The following MAGI1 variants were observed in gnomAD, a reference collection of about 807,000 sequenced individuals.
The protein encoded by MAGI1 is membrane associated guanylate kinase, WW and PDZ domain containing 1, also known as membrane-associated guanylate kinase, WW and PDZ domain-containing protein 1.
A neutral mutation model predicts 139.9 loss-of-function variants in MAGI1; 58 were observed. The observed-to-expected ratio is 0.41, with a 90% CI of 0.34 to 0.52. The LOEUF (loss-of-function observed/expected upper bound fraction) is 0.52. Among genes scored for constraint, MAGI1 ranks in the 20% least tolerant of loss-of-function variants. The probability of loss-of-function intolerance (pLI) is 0.12; values close to 1 mark genes in which losing one functional copy is unlikely to be tolerated. For synonymous variants in MAGI1, 812 were observed against 737.9 expected, an observed-to-expected ratio of 1.10 and a Z score of -1.63; for missense variants, 1,874 against 1,901.6, an observed-to-expected ratio of 0.99 and a Z score of 0.27.
chr3:65,434,591 T>C (rs986449866), intron 10 of MAGI1, among the ~76,000 whole-genome samples: 19 of 152,120 alleles, frequency 1.2e-4, no homozygotes, highest in Non-Finnish European at 2.5e-4. Flanking sequence ...CTATCAACAC[T>C]AGATACTGCC....
intron 1 of MAGI1, among the ~76,000 whole-genome samples, chr3:65,651,841 C>G (rs1019253658): frequency 6.6e-6 from 1 of 152,176 alleles, no homozygotes. Context: ...CCCCACTCAT[C>G]TCAAAGTGAC....
intron 2 of MAGI1, among the ~76,000 whole-genome samples, chr3:65,592,400 A>T (rs1161150298): frequency 6.6e-6 from 1 of 152,142 alleles, no homozygotes; most frequent in Non-Finnish European, 1.5e-5. Flanking sequence ...ATAATACTGA[A>T]AAACTAGAAA....
At chr3:65,859,161 T>C (rs1184147958) in intron 1 of MAGI1, among the ~76,000 whole-genome samples, 1 of 152,068 alleles carries the variant, frequency 6.6e-6, no homozygotes, top group Non-Finnish European at 1.5e-5. Flanking sequence ...GGTGAAATCC[T>C]GTCTCTACTA....
Position 65,363,540 on chromosome 3 carries a change from G to T in MAGI1, c.3420C>A (p.Gly1140=). The T allele has an allele frequency of 6.2e-7, 1 of 1,614,062 alleles. No homozygotes were observed. Among genetic ancestry groups the T allele is most frequent in the Non-Finnish European group, 8.5e-7 (1 of 1,179,948 alleles). Residue 1140 remains glycine (G), a synonymous_variant, in exon 21 of 23, where the codon GGC becomes GGA. Transcript: ENST00000402939. ...CATAGAGGTCCATGTTATACTCTCG[G>T]CCTCCTCGAAGGCTAAAGCCAAATC... The part of the protein sequence containing the change: ...AKGFGFSLRG[G]REYNMDLYVL...
chr3:66,012,667 G>A (rs1576458878), intron 1 of MAGI1, among the ~76,000 whole-genome samples: 2 of 151,466 alleles, frequency 1.3e-5, no homozygotes, highest in South Asian at 2.1e-4. Flanking sequence ...TTGGGAGGCT[G>A]AGGCAGGAGA....
chr3:65,776,164 G>T (rs1292325242), intron 1 of MAGI1, among the ~76,000 whole-genome samples: 2 of 151,554 alleles, frequency 1.3e-5, no homozygotes, highest in African/African-American at 4.8e-5. Context: ...TTCTACATAG[G>T]TGGTGCAGAA....
chr3:65,794,769 C>G (rs1040328211), intron 1 of MAGI1, among the ~76,000 whole-genome samples: 6 of 149,808 alleles, frequency 4.0e-5, no homozygotes, highest in African/African-American at 1.5e-4. Flanking sequence ...GGGCCTTGGT[C>G]TTTTTGACTA....
chr3:66,011,136 C>G (rs569828646), intron 1 of MAGI1, among the ~76,000 whole-genome samples: 29 of 152,172 alleles, frequency 1.9e-4, no homozygotes, highest in Non-Finnish European at 3.8e-4. Context: ...AAGAATTTAC[C>G]TTTCCTTTCA....
intron 1 of MAGI1, among the ~76,000 whole-genome samples, chr3:65,993,409 G>A (rs866278014): frequency 6.6e-6 from 1 of 152,140 alleles, no homozygotes; most frequent in African/African-American, 2.4e-5. Flanking sequence ...GAAACCCACA[G>A]GCAATTAGAA....
At chr3:65,793,301 T>C (rs1430852222) in intron 1 of MAGI1, among the ~76,000 whole-genome samples, 1 of 151,996 alleles carries the variant, frequency 6.6e-6, no homozygotes, top group African/African-American at 2.4e-5. Flanking sequence ...ATAAGATTAT[T>C]CAGGCCCTGG....
intron 1 of MAGI1, among the ~76,000 whole-genome samples, chr3:65,900,141 G>C (rs546290967): frequency 6.6e-6 from 1 of 151,838 alleles, no homozygotes; most frequent in Non-Finnish European, 1.5e-5. Flanking sequence ...TTGGGGACAA[G>C]AGATAGGCAG....
chr3:65,719,578 C>A (rs879591189), intron 1 of MAGI1, among the ~76,000 whole-genome samples: 4 of 150,152 alleles, frequency 2.7e-5, no homozygotes, highest in East Asian at 1.9e-4. Flanking sequence ...CAGGGTCTCA[C>A]TCTGTAGCCC....
intron 5 of MAGI1, among the ~76,000 whole-genome samples, chr3:65,458,702 C>T (rs1949570652): frequency 6.6e-6 from 1 of 152,082 alleles, no homozygotes; most frequent in African/African-American, 2.4e-5. Flanking sequence ...TATATATTCT[C>T]GTTATTAATC....
chr3:65,884,465 T>C (rs116080376), intron 1 of MAGI1, among the ~76,000 whole-genome samples: 3,689 of 152,270 alleles, frequency 0.024, 79 homozygotes, highest in Middle Eastern at 0.044. Flanking sequence ...ACAAAAAGCA[T>C]GGCATCAAAA....
intron 2 of MAGI1, among the ~76,000 whole-genome samples, chr3:65,575,749 T>A (rs905693983): frequency 6.6e-6 from 1 of 152,180 alleles, no homozygotes; most frequent in Non-Finnish European, 1.5e-5. Flanking sequence ...ATTCTGCTAG[T>A]GAATGATGTA....
At chr3:65,710,320 G>A (rs1301878180) in intron 1 of MAGI1, among the ~76,000 whole-genome samples, 2 of 93,484 alleles carry the variant, frequency 2.1e-5, no homozygotes. Context: ...TGCCCTTGTT[G>A]CCCAGGCTGG....
intron 1 of MAGI1, among the ~76,000 whole-genome samples, chr3:65,695,791 G>A (rs570772847): frequency 6.6e-6 from 1 of 152,294 alleles, no homozygotes; most frequent in Admixed American, 6.5e-5. Flanking sequence ...GGCCATGTCG[G>A]GAAGTTGTCC....
intron 1 of MAGI1, among the ~76,000 whole-genome samples, chr3:65,956,420 A>C (rs2064130356): frequency 6.6e-6 from 1 of 152,166 alleles, no homozygotes; most frequent in Non-Finnish European, 1.5e-5. Context: ...TGTAGGGTGA[A>C]GTCTAACAAA....
chr3:65,535,343 G>C (rs2078912642), intron 2 of MAGI1, among the ~76,000 whole-genome samples: 1 of 152,168 alleles, frequency 6.6e-6, no homozygotes, highest in Non-Finnish European at 1.5e-5. Flanking sequence ...GTCTCTAAAA[G>C]AAGGCAGGTG....
Sources: gnomAD v4.1 joint callset for allele counts (sites outside exome capture counted in the v4.1 genomes callset) on GRCh38, gnomAD v4.1.1 for gene constraint, MANE v1.5 for transcripts, NCBI Gene and HGNC (gene_info 2026-07-23, HGNC 2026-07-21) for gene names.